Variants in DAAM1 observed in about 807,000 individuals in gnomAD.
The protein encoded by DAAM1 is dishevelled associated activator of morphogenesis 1.
In DAAM1, 52 loss-of-function variants were observed where a neutral mutation model predicts 130.0. The ratio of observed to expected loss-of-function variants is 0.40; its 90% CI spans 0.32 to 0.50. DAAM1 has a LOEUF of 0.50. DAAM1 is among the 20% of genes least tolerant of loss of function. The probability of loss-of-function intolerance (pLI) is 0.61; values close to 1 mark genes in which losing one functional copy is unlikely to be tolerated. For missense variants in DAAM1, 1,134 were observed against 1,303.8 expected (o/e 0.87, Z 2.01); for synonymous variants, 452 against 444.5 (o/e 1.02, Z -0.21).
At position 59,363,669 on chromosome 14, in the gene DAAM1, T is replaced by G; in HGVS notation, c.2713T>G (p.Ser905Ala). The change falls in exon 23 of 25, where the codon TCT becomes GCT. Residue 905 changes from serine (S) to alanine (A), a missense_variant. Ser to Ala is a moderately conservative substitution (Grantham distance 99). Coordinates refer to ENST00000360909, the MANE Select transcript of DAAM1 (RefSeq NM_001270520.2). ...AVETELEYQK[S>A]QPPQPGDKFV... ...GTTTAAGGAGCTGGAATATCAGAAG[T>G]CTCAGCCCCCACAGCCCGGAGATAA... 1 of 1,614,084 alleles carries G rather than the reference T, an allele frequency of 6.2e-7. No homozygotes were observed. The highest frequency in any genetic ancestry group is 8.5e-7 in the Non-Finnish European group (1 of 1,179,978).
At chr14:59,360,685 T>C (rs1886671630) in intron 21 of DAAM1, 117 bp from the exon 22 acceptor site, 1 of 787,994 alleles carries the variant, frequency 1.3e-6, no homozygotes, top group Admixed American at 3.0e-5. Flanking sequence ...TGGAAGGGAA[T>C]TTTAAACATT....
chr14:59,336,410 A>C (rs754994286), intron 15 of DAAM1, among the ~76,000 whole-genome samples: 3 of 152,164 alleles, frequency 2.0e-5, no homozygotes, highest in Non-Finnish European at 2.9e-5. Context: ...AGCCAATTAG[A>C]AGTATCTTTT....
intron 16 of DAAM1, 105 bp downstream of exon 16, chr14:59,340,285 A>G (rs1885796325): frequency 3.8e-6 from 4 of 1,040,980 alleles, no homozygotes; most frequent in African/African-American, 3.2e-5. Flanking sequence ...CTGCTGAGGT[A>G]CAGTTCTTTG....
At chr14:59,284,727 T>C (rs947213527) in intron 2 of DAAM1, among the ~76,000 whole-genome samples, 2 of 152,092 alleles carry the variant, frequency 1.3e-5, no homozygotes, top group Non-Finnish European at 2.9e-5. Context: ...ATCTCAGAGC[T>C]TGAATACCAT....
intron 20 of DAAM1, among the ~76,000 whole-genome samples, chr14:59,358,462 G>C (rs1886570618): frequency 6.6e-6 from 1 of 152,216 alleles, no homozygotes; most frequent in African/African-American, 2.4e-5. Context: ...ATATCACATG[G>C]TGGCAGTTAT....
chr14:59,302,154 A>G (rs1039023414), intron 3 of DAAM1, among the ~76,000 whole-genome samples: 1 of 152,196 alleles, frequency 6.6e-6, no homozygotes, highest in Non-Finnish European at 1.5e-5. Context: ...ATTTGAAACA[A>G]TTCCGGAATA....
rs142198416 is a variant in DAAM1, at chr14:59,215,719, C to T, written c.-38+26951C>T. ...CAGCTCCTTTGCCCTGTGTGACAGCCGCGGGGAGTAGGCTAGGGTGGGGGT... is the reference window on the plus strand; with the variant it reads ...CAGCTCCTTTGCCCTGTGTGACAGCTGCGGGGAGTAGGCTAGGGTGGGGGT... On this transcript the variant is annotated intron_variant, in intron 1 of 24. Transcript: ENST00000360909. Among the ~76,000 whole-genome samples, 145 of 152,178 alleles carry T rather than the reference C, an allele frequency of 9.5e-4. 1 individual carries two copies. Among genetic ancestry groups the T allele is most frequent in the African/African-American group, 3.1e-3 (127 of 41,486 alleles).
chr14:59,216,030 C>T (rs984341672), intron 1 of DAAM1, among the ~76,000 whole-genome samples: 1 of 152,154 alleles, frequency 6.6e-6, no homozygotes, highest in Admixed American at 6.5e-5. Context: ...CAGACCCAGT[C>T]ACTCTTCTTG....
At chr14:59,337,298 G>C (rs1054548361) in intron 15 of DAAM1, among the ~76,000 whole-genome samples, 5 of 152,180 alleles carry the variant, frequency 3.3e-5, no homozygotes, top group African/African-American at 1.2e-4. Flanking sequence ...AAAGAAAACT[G>C]GGATATCAGA....
intron 1 of DAAM1, among the ~76,000 whole-genome samples, chr14:59,257,439 C>G (rs1881950636): frequency 6.6e-6 from 1 of 150,932 alleles, no homozygotes; most frequent in African/African-American, 2.4e-5. Flanking sequence ...AAATGTGTAA[C>G]TGTCCTGGGA....
intron 1 of DAAM1, among the ~76,000 whole-genome samples, chr14:59,203,067 C>A (rs1271545957): frequency 6.6e-6 from 1 of 151,482 alleles, no homozygotes; most frequent in African/African-American, 2.4e-5. Flanking sequence ...TCTCCACTCA[C>A]TGCAAGCTCT....
At chr14:59,313,429 C>T (rs775107096) in intron 3 of DAAM1, among the ~76,000 whole-genome samples, 27 of 152,326 alleles carry the variant, frequency 1.8e-4, no homozygotes, top group Admixed American at 1.2e-3. Context: ...TTAATCTATT[C>T]GCATTATTAA....
chr14:59,296,039 T>G (rs1240955338), intron 3 of DAAM1, among the ~76,000 whole-genome samples: 15 of 152,214 alleles, frequency 9.9e-5, no homozygotes, highest in Admixed American at 9.8e-4. Context: ...CTTCTGCAAT[T>G]GAGTTTTCAA....
At chr14:59,363,898 C>A in intron 23 of DAAM1, 116 bp downstream of exon 23, 2 of 1,433,306 alleles carry the variant, frequency 1.4e-6, no homozygotes, top group Non-Finnish European at 1.9e-6. Context: ...CTTCGTGGTG[C>A]AGGAAATAAA....
chr14:59,315,444 C>A, intron 4 of DAAM1, 93 bp downstream of exon 4: 1 of 1,192,436 alleles, frequency 8.4e-7, no homozygotes, highest in Non-Finnish European at 1.2e-6. Flanking sequence ...TGAGTATGAC[C>A]TACCAAATGT....
chr14:59,285,276 A>G (rs1883392449), intron 2 of DAAM1, among the ~76,000 whole-genome samples: 1 of 152,174 alleles, frequency 6.6e-6, no homozygotes, highest in Non-Finnish European at 1.5e-5. Flanking sequence ...AACTTGTTGC[A>G]ATTAGACCTG....
At chr14:59,244,428 C>G (rs1480153043) in intron 1 of DAAM1, among the ~76,000 whole-genome samples, 1 of 152,094 alleles carries the variant, frequency 6.6e-6, no homozygotes, top group Non-Finnish European at 1.5e-5. Context: ...TCACATAGCT[C>G]CTGGAATGCT....
intron 2 of DAAM1, 156 bp downstream of exon 2, chr14:59,263,816 A>G: frequency 1.1e-6 from 1 of 885,746 alleles, no homozygotes; most frequent in South Asian, 1.5e-5. Flanking sequence ...GTCAGCACTA[A>G]ACCTGTGGAG....
At chr14:59,218,803 A>G (rs1418575077) in intron 1 of DAAM1, among the ~76,000 whole-genome samples, 1 of 152,304 alleles carries the variant, frequency 6.6e-6, no homozygotes, top group African/African-American at 2.4e-5. Flanking sequence ...TTTGTTAGCT[A>G]TCTTTACCCT....
Sources: gnomAD v4.1 joint callset for allele counts (sites outside exome capture counted in the v4.1 genomes callset) on GRCh38, gnomAD v4.1.1 for gene constraint, MANE v1.5 for transcripts, NCBI Gene and HGNC (gene_info 2026-07-23, HGNC 2026-07-21) for gene names.